The following OLAH variants were observed in gnomAD, a reference collection of about 807,000 sequenced individuals.
OLAH encodes oleoyl-ACP hydrolase, also known as S-acyl fatty acid synthase thioesterase, medium chain.
Under a neutral mutation model 27.8 loss-of-function variants are expected in OLAH, and 33 were observed. The observed-to-expected ratio is 1.19, with a 90% CI of 0.90 to 1.59. OLAH has a LOEUF of 1.59. Ranked by LOEUF, OLAH falls within the 40% of genes most tolerant of loss-of-function variation. The pLI, the probability that OLAH is intolerant of heterozygous loss-of-function variation, is 0.00. For missense variants in OLAH, 359 were observed against 310.8 expected (o/e 1.16, Z -1.17); for synonymous variants, 120 against 102.9 (o/e 1.17, Z -1.01).
chr10:15,054,070 G>A (rs1280274449), intron 3 of OLAH, among the ~76,000 whole-genome samples: 2 of 136,200 alleles, frequency 1.5e-5, no homozygotes, highest in African/African-American at 2.8e-5. Flanking sequence ...ATGGAGTCTC[G>A]CTCTGTCACC....
Position 15,073,172 on chromosome 10 carries a change from A to C in OLAH, c.741A>C (p.Lys247Asn), listed in dbSNP as rs761823355. The C allele has an allele frequency of 6.2e-7, 1 of 1,610,640 alleles. No individual in the cohort carries two copies. The highest frequency in any genetic ancestry group is 2.2e-5 in the East Asian group (1 of 44,866). Residue 247 changes from lysine (K) to asparagine (N), a missense_variant, in exon 8 of 8, where the codon AAA becomes AAC. Physicochemically the swap from Lys to Asn is moderately conservative, Grantham distance 94. Transcript: ENST00000378228. ...ATCTTCTGGATCCTGCGAACGAGAA[A>C]TTAATCAAGAACTACATAATCAAGT... ...HFYLLDPANE[K>N]LIKNYIIKCL...
At chr10:15,043,469 C>A (rs189179336), upstream of OLAH, among the ~76,000 whole-genome samples, 1 of 144,300 alleles carries the variant, frequency 6.9e-6, no homozygotes, top group East Asian at 2.1e-4. Flanking sequence ...CCAGTGGATT[C>A]TCTTCTTCTT....
chr10:15,051,523 C>T (rs1001232263), intron 3 of OLAH, among the ~76,000 whole-genome samples: 2 of 152,166 alleles, frequency 1.3e-5, no homozygotes, highest in Admixed American at 6.5e-5. Context: ...TCCAACCTGT[C>T]GACATCTTGG....
rs1418370340 is a variant in OLAH, at chr10:15,073,132, CA to C, written c.702del (p.Gly236ValfsTer13). The C allele has an allele frequency of 2.5e-6, 4 of 1,613,224 alleles. No individual in the cohort carries two copies. Among genetic ancestry groups the C allele is most frequent in the Non-Finnish European group, 3.4e-6 (4 of 1,179,324 alleles). On this transcript the variant is annotated frameshift_variant, in exon 8 of 8. Transcript: ENST00000378228. LOFTEE classifies it low-confidence loss of function (END_TRUNC). ...GGAAATGCTAAAATTTACCAGCTTC[CA>C]GGGGGTCACTTTTATCTTCTGGATC... ...TSGNAKIYQLPGGHFYLLDPA... is the reference protein window; with the variant it reads ...TSGNAKIYQLXGGHFYLLDPA...
Position 15,065,589 on chromosome 10 carries a change from G to T in OLAH, c.408G>T (p.Lys136Asn). 6.2e-7 allele frequency: 1 copy of T among 1,609,370 alleles called. No homozygotes were observed. Among genetic ancestry groups the T allele is most frequent in the Non-Finnish European group, 8.5e-7 (1 of 1,178,500 alleles). Residue 136 changes from lysine to asparagine, a missense_variant, in exon 6 of 8, where the codon AAG (lysine) becomes AAT (asparagine). Physicochemically the swap from Lys to Asn is moderately conservative, Grantham distance 94 (BLOSUM62 0). Coordinates refer to ENST00000378228, the MANE Select transcript of OLAH (RefSeq NM_001039702.3). ...GTTGTTGTTCATGTTTCAAGTCAAAGGCCTGGCATCGCATTCCCAAAGATG... is the reference window on the plus strand; with the variant it reads ...GTTGTTGTTCATGTTTCAAGTCAAATGCCTGGCATCGCATTCCCAAAGATG... ...FLSSATPVHS[K>N]AWHRIPKDDE...
intron 3 of OLAH, among the ~76,000 whole-genome samples, chr10:15,059,243 G>C (rs921195488): frequency 7.0e-6 from 1 of 143,770 alleles, no homozygotes; most frequent in Non-Finnish European, 1.5e-5. Context: ...CTTCAGTGCA[G>C]TGGCACAATC....
At chr10:15,037,799 T>C (rs886153319) in intron 1 of OLAH, among the ~76,000 whole-genome samples, 2 of 152,190 alleles carry the variant, frequency 1.3e-5, no homozygotes, top group Non-Finnish European at 2.9e-5. Context: ...TGGGAGGCAT[T>C]AAACTTTTAC....
intron 2 of OLAH, 61 bp from the exon 3 acceptor site, chr10:15,049,574 T>C (rs916860776): frequency 2.8e-6 from 3 of 1,057,366 alleles, no homozygotes; most frequent in African/African-American, 3.3e-5. Context: ...ACACAGGTAA[T>C]TCAGTATAGG....
chr10:15,033,867 C>T (rs1589232252), intron 1 of OLAH, among the ~76,000 whole-genome samples: 2 of 152,148 alleles, frequency 1.3e-5, no homozygotes, highest in South Asian at 4.2e-4. Flanking sequence ...TCCCAAGGGT[C>T]CTATCTCTTA....
At chr10:15,044,679 C>T (rs780704124) in intron 1 of OLAH, among the ~76,000 whole-genome samples, 1 of 151,986 alleles carries the variant, frequency 6.6e-6, no homozygotes, top group Non-Finnish European at 1.5e-5. Flanking sequence ...CTTTATGTTG[C>T]CCTGTTTCCT....
At chr10:15,042,946 C>T (rs554770640), upstream of OLAH, among the ~76,000 whole-genome samples, 6 of 148,166 alleles carry the variant, frequency 4.0e-5, no homozygotes, top group African/African-American at 1.0e-4. Flanking sequence ...CTGCAAGCTC[C>T]GCCTCCCGGG....
intron 3 of OLAH, among the ~76,000 whole-genome samples, chr10:15,058,969 CTCCCTCTCTCCTTCCCTCTCTCCT>C (rs751374924): frequency 1.9e-5 from 2 of 105,832 alleles, no homozygotes; most frequent in Non-Finnish European, 4.0e-5. Flanking sequence ...CCTTCCCTCC[CTCCCTCTCTCCTTCCCTCTCTCCT>C]TCCCTCTCTC....
chr10:15,050,590 G>A (rs1207031460), intron 3 of OLAH, among the ~76,000 whole-genome samples: 1 of 138,458 alleles, frequency 7.2e-6, no homozygotes, highest in African/African-American at 2.7e-5. Flanking sequence ...CGCCCAGGCT[G>A]GAGTGCAGTA....
At chr10:15,070,165 C>A (rs548947445) in intron 6 of OLAH, among the ~76,000 whole-genome samples, 53 of 146,838 alleles carry the variant, frequency 3.6e-4, no homozygotes, top group African/African-American at 1.3e-3. Context: ...TTTTTTTCCT[C>A]TCATTGTTAG....
At chr10:15,036,115 G>A (rs140525732) in intron 1 of OLAH, among the ~76,000 whole-genome samples, 4 of 152,264 alleles carry the variant, frequency 2.6e-5, no homozygotes, top group African/African-American at 7.2e-5. Flanking sequence ...TTAACTGTAC[G>A]TTTAAGTCAC....
intron 6 of OLAH, among the ~76,000 whole-genome samples, chr10:15,066,792 C>T (rs1012746828): frequency 6.6e-6 from 1 of 152,082 alleles, no homozygotes; most frequent in Non-Finnish European, 1.5e-5. Context: ...AGGCACCCGC[C>T]ACCACACCCA....
At chr10:15,048,632 C>G (rs1458512599) in intron 2 of OLAH, among the ~76,000 whole-genome samples, 4 of 152,100 alleles carry the variant, frequency 2.6e-5, no homozygotes, top group African/African-American at 9.7e-5. Context: ...ATGAAGATAC[C>G]AAGATTGAAG....
chr10:15,067,093 A>G (rs1487352120), intron 6 of OLAH, among the ~76,000 whole-genome samples: 1 of 152,248 alleles, frequency 6.6e-6, no homozygotes, highest in Non-Finnish European at 1.5e-5. Flanking sequence ...TAATCTTTCC[A>G]TAATGTATAC....
upstream of OLAH, among the ~76,000 whole-genome samples, chr10:15,039,076 A>G (rs1223771611): frequency 6.6e-6 from 1 of 151,456 alleles, no homozygotes. Context: ...AATTTTTAGA[A>G]TTAGGCAGGT....
Sources: allele counts gnomAD v4.1 joint callset (sites outside exome capture counted in the v4.1 genomes callset), GRCh38; gene constraint gnomAD v4.1.1; transcripts MANE v1.5; gene names NCBI Gene and HGNC (gene_info 2026-07-23, HGNC 2026-07-21).